ADGRL2: variants seen among roughly 807,000 people sequenced by gnomAD.
ADGRL2 encodes the protein adhesion G protein-coupled receptor L2.
A neutral mutation model predicts 157.4 loss-of-function variants in ADGRL2; 44 were observed. That is an observed-to-expected ratio of 0.28 (90% CI 0.22 to 0.36). The LOEUF is 0.36. Among genes scored for constraint, ADGRL2 ranks in the 10% least tolerant of loss-of-function variants. ADGRL2 has a pLI of 1.00. For missense variants in ADGRL2, 1,510 were observed against 1,768.9 expected (o/e 0.85, Z 2.63); for synonymous variants, 585 against 624.7 (o/e 0.94, Z 0.95).
chr1:81,716,789 TTG>T (rs761727593), intron 1 of ADGRL2, among the ~76,000 whole-genome samples: 1 of 151,978 alleles, frequency 6.6e-6, no homozygotes, highest in Non-Finnish European at 1.5e-5. Context: ...AAATTACAGT[TTG>T]TGTGTGTGTG....
intron 3 of ADGRL2, chr1:81,625,745 T>C (rs2081896439): frequency 6.6e-6 from 1 of 152,202 alleles, no homozygotes; most frequent in African/African-American, 2.4e-5. Context: ...TGTGGTGCTC[T>C]TACCTAGAAA....
At chr1:81,865,563 G>C (rs1427981409) in intron 2 of ADGRL2, among the ~76,000 whole-genome samples, 1 of 152,178 alleles carries the variant, frequency 6.6e-6, no homozygotes, top group Non-Finnish European at 1.5e-5. Context: ...TCTCATGTGA[G>C]ATTAGTAGTT....
At chr1:81,426,968 AC>A in intron 1 of ADGRL2, 1 of 801,570 alleles carries the variant, frequency 1.2e-6, no homozygotes, top group Non-Finnish European at 2.2e-6. Flanking sequence ...TGCTTTTGCA[AC>A]TTTTGATGAT....
At chr1:81,591,793 A>T (rs2081138773) in intron 3 of ADGRL2, among the ~76,000 whole-genome samples, 1 of 152,160 alleles carries the variant, frequency 6.6e-6, no homozygotes, top group Admixed American at 6.5e-5. Flanking sequence ...GAACCTGAGG[A>T]TGGCCTTCAG....
intron 2 of ADGRL2, among the ~76,000 whole-genome samples, chr1:81,468,613 G>A (rs1177648889): frequency 6.6e-6 from 1 of 152,174 alleles, no homozygotes; most frequent in Non-Finnish European, 1.5e-5. Context: ...AAGCATTTCT[G>A]ATAACCTCGT....
chr1:81,427,146 A>C, intron 1 of ADGRL2: 1 of 1,165,140 alleles, frequency 8.6e-7, no homozygotes, highest in Non-Finnish European at 1.3e-6. Flanking sequence ...GGATCCGGCA[A>C]TTTTATGGGT....
At chr1:81,509,030 T>C (rs2079029282) in intron 2 of ADGRL2, among the ~76,000 whole-genome samples, 2 of 152,180 alleles carry the variant, frequency 1.3e-5, no homozygotes, top group South Asian at 2.1e-4. Flanking sequence ...TTCCCTCTTC[T>C]TATGCTAAAA....
At chr1:81,306,144 C>T (rs1472962111), upstream of ADGRL2, 1 of 152,198 alleles carries the variant, frequency 6.6e-6, no homozygotes, top group Non-Finnish European at 1.5e-5. Flanking sequence ...CTTATCCACG[C>T]TCTCCGATCT....
chr1:81,597,055 G>A lies in ADGRL2; in HGVS notation c.-143+16075G>A, dbSNP rs574387786. 5.3e-5 allele frequency among the ~76,000 whole-genome samples: 8 copies of A among 152,286 alleles called. No homozygotes were observed. The South Asian group carries it at 1.0e-3, about 20-fold the overall frequency. ...CTGCCCTGTGAATTTATAAGATAAT[G>A]AAAAGGCACCTTCCAAACAAAGAAA... On this transcript the variant is annotated intron_variant, in intron 3 of 24. Coordinates refer to the ADGRL2 transcript ENST00000370721.
intron 2 of ADGRL2, among the ~76,000 whole-genome samples, chr1:81,766,330 T>C (rs1219555196): frequency 6.6e-6 from 1 of 152,194 alleles, no homozygotes; most frequent in Non-Finnish European, 1.5e-5. Flanking sequence ...TTCTCCCAAC[T>C]TTCCTAAACA....
chr1:81,587,757 G>A (rs2081056018), intron 3 of ADGRL2, among the ~76,000 whole-genome samples: 1 of 152,114 alleles, frequency 6.6e-6, no homozygotes, highest in Admixed American at 6.6e-5. Flanking sequence ...GACAAGAATA[G>A]AATCGTTTTT....
chr1:81,480,724 C>G (rs2078368322), intron 2 of ADGRL2, among the ~76,000 whole-genome samples: 1 of 152,142 alleles, frequency 6.6e-6, no homozygotes, highest in Non-Finnish European at 1.5e-5. Flanking sequence ...TGTATCCTAA[C>G]AATGAGTTAT....
intron 2 of ADGRL2, among the ~76,000 whole-genome samples, chr1:81,547,117 G>T (rs1557448170): frequency 6.6e-6 from 1 of 152,152 alleles, no homozygotes; most frequent in Non-Finnish European, 1.5e-5. Flanking sequence ...AAGTTGCCAG[G>T]CAAGACCTTC....
At chr1:81,620,787 T>C (rs1214454713) in intron 3 of ADGRL2, among the ~76,000 whole-genome samples, 1 of 152,148 alleles carries the variant, frequency 6.6e-6, no homozygotes, top group Non-Finnish European at 1.5e-5. Flanking sequence ...TGTGGTAATA[T>C]AGATAAGAAG....
intron 1 of ADGRL2, among the ~76,000 whole-genome samples, chr1:81,829,569 C>T (rs2091785852): frequency 6.6e-6 from 1 of 152,140 alleles, no homozygotes; most frequent in African/African-American, 2.4e-5. Flanking sequence ...CTAAATGCTT[C>T]AGGTTATTAT....
At chr1:81,881,989 C>CT in intron 2 of ADGRL2, among the ~76,000 whole-genome samples, 1 of 152,074 alleles carries the variant, frequency 6.6e-6, no homozygotes, top group South Asian at 2.1e-4. Flanking sequence ...TTTCCTGAGT[C>CT]TATCTTTTTA....
chr1:81,674,556 G>T (rs764857746), intron 3 of ADGRL2, among the ~76,000 whole-genome samples: 1 of 152,194 alleles, frequency 6.6e-6, no homozygotes, highest in Admixed American at 6.5e-5. Context: ...CCAAATTGTT[G>T]CAATTAGGAG....
At chr1:81,747,183 GTA>G (rs1405017580) in intron 1 of ADGRL2, among the ~76,000 whole-genome samples, 1 of 136,474 alleles carries the variant, frequency 7.3e-6, no homozygotes, top group Non-Finnish European at 1.6e-5. Flanking sequence ...ATACATATAT[GTA>G]TGTGTGTATG....
chr1:81,672,837 G>A (rs1208864079), intron 3 of ADGRL2, among the ~76,000 whole-genome samples: 1 of 152,092 alleles, frequency 6.6e-6, no homozygotes, highest in Non-Finnish European at 1.5e-5. Flanking sequence ...GATAATTTAT[G>A]GATTATAACT....
Sources: allele counts gnomAD v4.1 joint callset (sites outside exome capture counted in the v4.1 genomes callset), GRCh38; gene constraint gnomAD v4.1.1; transcripts MANE v1.5; gene names NCBI Gene and HGNC (gene_info 2026-07-23, HGNC 2026-07-21).